The following HYCC2 variants were observed in gnomAD, a reference collection of about 807,000 sequenced individuals.
HYCC2 encodes the protein hyccin PI4KA lipid kinase complex subunit 2.
the HYCC2 span, chr2:201,008,977 T>A: frequency 6.3e-7 from 1 of 1,599,032 alleles, no homozygotes; most frequent in Non-Finnish European, 8.6e-7. Context: ...CATTACCGGT[T>A]CTGTGCAGTG....
the HYCC2 span, among the ~76,000 whole-genome samples, chr2:201,036,980 T>C: frequency 1.3e-5 from 2 of 152,214 alleles, no homozygotes; most frequent in African/African-American, 2.4e-5. Flanking sequence ...ATGACATGAT[T>C]GTATATCTAG....
chr2:201,006,680 AATT>A, the HYCC2 span, among the ~76,000 whole-genome samples: 1 of 152,152 alleles, frequency 6.6e-6, no homozygotes. Flanking sequence ...GAACTGGGAT[AATT>A]GTTAATGACT....
chr2:201,006,070 G>A, the HYCC2 span, among the ~76,000 whole-genome samples: 4 of 150,830 alleles, frequency 2.7e-5, no homozygotes, highest in African/African-American at 9.8e-5. Flanking sequence ...CTGACCTTGT[G>A]ATCCGCCTGC....
the HYCC2 span, among the ~76,000 whole-genome samples, chr2:201,071,267 C>T: frequency 3.3e-5 from 5 of 152,200 alleles, no homozygotes; most frequent in Non-Finnish European, 7.3e-5. Flanking sequence ...CTTTTCTCGC[C>T]TGGGGCTTTG....
the HYCC2 span, among the ~76,000 whole-genome samples, chr2:201,055,085 A>G: frequency 8.5e-5 from 13 of 152,228 alleles, no homozygotes; most frequent in Admixed American, 7.9e-4. Context: ...TTTAACCTCT[A>G]AAAGTATTCC....
the HYCC2 span, among the ~76,000 whole-genome samples, chr2:200,994,243 CT>C: frequency 3.3e-4 from 49 of 147,950 alleles, no homozygotes; most frequent in African/African-American, 8.2e-4. Flanking sequence ...ATATCATTTC[CT>C]TTTTTTTTTG....
chr2:201,042,301 C>T, the HYCC2 span, among the ~76,000 whole-genome samples: 13 of 152,302 alleles, frequency 8.5e-5, no homozygotes, highest in East Asian at 5.8e-4. Flanking sequence ...GATCTCGGAT[C>T]GCTACAACCT....
the HYCC2 span, among the ~76,000 whole-genome samples, chr2:201,023,246 G>A: frequency 1.3e-5 from 2 of 152,034 alleles, no homozygotes; most frequent in Admixed American, 6.6e-5. Context: ...CTACTCAGGA[G>A]GCTGAGGCAG....
chr2:201,048,307 GA>G, the HYCC2 span, among the ~76,000 whole-genome samples: 1 of 151,084 alleles, frequency 6.6e-6, no homozygotes, highest in African/African-American at 2.4e-5. Context: ...CAAGAAATAG[GA>G]AAAAAAACCA....
At chr2:200,984,604 G>A in the HYCC2 span, among the ~76,000 whole-genome samples, 31 of 152,310 alleles carry the variant, frequency 2.0e-4, no homozygotes, top group East Asian at 4.2e-3. Flanking sequence ...AAAAAGCTTG[G>A]TGGGGTATGG....
At chr2:201,052,845 A>G in the HYCC2 span, among the ~76,000 whole-genome samples, 1 of 152,188 alleles carries the variant, frequency 6.6e-6, no homozygotes, top group Non-Finnish European at 1.5e-5. Context: ...AGCTGTACTG[A>G]AAACGAACTC....
chr2:201,001,014 T>C, the HYCC2 span, among the ~76,000 whole-genome samples: 4 of 151,508 alleles, frequency 2.6e-5, no homozygotes, highest in Admixed American at 6.6e-5. Flanking sequence ...GTTGCACACC[T>C]GTAGTACCAA....
At chr2:201,034,390 T>C in the HYCC2 span, among the ~76,000 whole-genome samples, 1 of 152,228 alleles carries the variant, frequency 6.6e-6, no homozygotes. Context: ...TGATCTTTGT[T>C]GGTTTAAAGT....
the HYCC2 span, among the ~76,000 whole-genome samples, chr2:201,037,260 G>T: frequency 6.6e-6 from 1 of 152,144 alleles, no homozygotes; most frequent in African/African-American, 2.4e-5. Flanking sequence ...AAAAATGGAA[G>T]AACATTCCAT....
the HYCC2 span, chr2:201,022,639 T>A: frequency 2.3e-6 from 1 of 429,304 alleles, no homozygotes; most frequent in South Asian, 3.9e-5. Flanking sequence ...CAGGAAAAAA[T>A]TTGACCAAAA....
chr2:201,003,582 G>A, the HYCC2 span, among the ~76,000 whole-genome samples: 5,749 of 151,634 alleles, frequency 0.038, 176 homozygotes, highest in Non-Finnish European at 0.058. Flanking sequence ...GGTGGCGTGC[G>A]CCTGTAATCC....
At chr2:201,009,341 G>C in the HYCC2 span, 37 of 293,476 alleles carry the variant, frequency 1.3e-4, no homozygotes, top group East Asian at 2.4e-3. Flanking sequence ...ATATTTAAGA[G>C]AGTATGAAAA....
chr2:201,017,657 G>A, the HYCC2 span, among the ~76,000 whole-genome samples: 1 of 152,148 alleles, frequency 6.6e-6, no homozygotes, highest in African/African-American at 2.4e-5. Context: ...CATGCTGTTG[G>A]GCAAAGCAAC....
chr2:201,025,028 C>T, the HYCC2 span, among the ~76,000 whole-genome samples: 25,615 of 151,908 alleles, frequency 0.17, 2,345 homozygotes, highest in African/African-American at 0.21. Flanking sequence ...CAGGAAGATC[C>T]CTTGAGCCCA....
Sources: gnomAD v4.1 joint callset for allele counts (sites outside exome capture counted in the v4.1 genomes callset) on GRCh38, gnomAD v4.1.1 for gene constraint, MANE v1.5 for transcripts, NCBI Gene and HGNC (gene_info 2026-07-23, HGNC 2026-07-21) for gene names.